The following PIK3C2G variants were observed in gnomAD, a reference collection of about 807,000 sequenced individuals.
The protein encoded by PIK3C2G is phosphatidylinositol 3-kinase C2 domain-containing subunit gamma.
Under a neutral mutation model 181.1 loss-of-function variants are expected in PIK3C2G, and 168 were observed. That is an observed-to-expected ratio of 0.93 (90% CI 0.82 to 1.05). PIK3C2G has a LOEUF of 1.05. PIK3C2G is among the 50% of genes least tolerant of loss of function. The pLI, the probability that PIK3C2G is intolerant of heterozygous loss-of-function variation, is 0.00. For missense variants in PIK3C2G, 1,869 were observed against 1,732.8 expected, an observed-to-expected ratio of 1.08 and a Z score of -1.40; for synonymous variants, 573 against 592.2, an observed-to-expected ratio of 0.97 and a Z score of 0.47.
intron 12 of PIK3C2G, among the ~76,000 whole-genome samples, chr12:18,369,135 C>T (rs1941848791): frequency 6.6e-6 from 1 of 152,192 alleles, no homozygotes. Context: ...GTGTATTTCC[C>T]TCACATCTCA....
intron 18 of PIK3C2G, among the ~76,000 whole-genome samples, chr12:18,471,476 T>C (rs141741516): frequency 4.4e-4 from 67 of 152,306 alleles, no homozygotes; most frequent in African/African-American, 1.5e-3. Context: ...CCATTAACTT[T>C]CTGCTCTTGT....
chr12:18,599,756 T>C (rs1302373725), intron 30 of PIK3C2G, among the ~76,000 whole-genome samples: 1 of 151,624 alleles, frequency 6.6e-6, no homozygotes, highest in Non-Finnish European at 1.5e-5. Flanking sequence ...AATTAAAATA[T>C]AGCCATAGGT....
At chr12:18,559,367 A>G (rs532230084) in intron 26 of PIK3C2G, among the ~76,000 whole-genome samples, 1 of 152,228 alleles carries the variant, frequency 6.6e-6, no homozygotes, top group African/African-American at 2.4e-5. Flanking sequence ...CCATTAAATT[A>G]CAAGATTTGT....
the PIK3C2G span, chr12:18,693,294 G>C: frequency 1.3e-6 from 2 of 1,524,928 alleles, no homozygotes; most frequent in Admixed American, 1.7e-5. Flanking sequence ...CCTGGTCACA[G>C]TGATGAAGGT....
chr12:18,651,828 T>C (rs1244771295), downstream of PIK3C2G, among the ~76,000 whole-genome samples: 1 of 152,122 alleles, frequency 6.6e-6, no homozygotes. Flanking sequence ...CACAGACATA[T>C]GCATGAGGCA....
At chr12:18,485,595 A>G (rs983196193) in intron 18 of PIK3C2G, among the ~76,000 whole-genome samples, 13 of 152,144 alleles carry the variant, frequency 8.5e-5, no homozygotes, top group African/African-American at 3.1e-4. Context: ...GCATTAAGGC[A>G]TGTGTACAAA....
intron 24 of PIK3C2G, among the ~76,000 whole-genome samples, chr12:18,529,074 C>A (rs1434988675): frequency 8.8e-5 from 13 of 147,506 alleles, no homozygotes; most frequent in Admixed American, 8.7e-4. Context: ...ATGATATTCC[C>A]ATTTCTCGAT....
intron 5 of PIK3C2G, among the ~76,000 whole-genome samples, chr12:18,308,810 G>A (rs916453140): frequency 4.6e-5 from 7 of 151,528 alleles, no homozygotes; most frequent in African/African-American, 9.6e-5. Context: ...CTTATTACAC[G>A]TAAATACACA....
chr12:18,724,446 T>G, the PIK3C2G span, among the ~76,000 whole-genome samples: 1 of 152,026 alleles, frequency 6.6e-6, no homozygotes, highest in African/African-American at 2.4e-5. Context: ...AGAGGGAGAT[T>G]TAATTTTTTA....
At chr12:18,705,290 G>C in the PIK3C2G span, 4 of 1,614,106 alleles carry the variant, frequency 2.5e-6, no homozygotes, top group Non-Finnish European at 3.4e-6. Context: ...ATTTTCTAAA[G>C]AGAGCACCAC....
chr12:18,557,886 G>A (rs987909326), intron 26 of PIK3C2G, among the ~76,000 whole-genome samples: 10 of 152,074 alleles, frequency 6.6e-5, no homozygotes, highest in South Asian at 2.1e-4. Flanking sequence ...TACCACATTC[G>A]TGAACTGAAT....
At chr12:18,503,537 G>C in intron 23 of PIK3C2G, 120 bp downstream of exon 23, 1 of 603,590 alleles carries the variant, frequency 1.7e-6, no homozygotes, top group Non-Finnish European at 2.6e-6. Context: ...AATTCAATCA[G>C]CCCAGTAATT....
chr12:18,496,756 G>A (rs1941047295), intron 21 of PIK3C2G, among the ~76,000 whole-genome samples: 1 of 152,240 alleles, frequency 6.6e-6, no homozygotes, highest in East Asian at 1.9e-4. Context: ...ATTCAGCCAA[G>A]CCCGTGCAAC....
downstream of PIK3C2G, among the ~76,000 whole-genome samples, chr12:18,650,349 G>GTA (rs1565601596): frequency 1.1e-5 from 1 of 92,102 alleles, no homozygotes; most frequent in Admixed American, 1.1e-4. Flanking sequence ...ATATATATAT[G>GTA]TGTGTGTGTG....
chr12:18,336,319 A>G (rs926545953), intron 8 of PIK3C2G, among the ~76,000 whole-genome samples: 1 of 152,174 alleles, frequency 6.6e-6, no homozygotes, highest in African/African-American at 2.4e-5. Flanking sequence ...GGGCAGAACC[A>G]GGGTGTAAAC....
chr12:18,355,433 C>T (rs1002659489), intron 11 of PIK3C2G, among the ~76,000 whole-genome samples: 2 of 152,134 alleles, frequency 1.3e-5, no homozygotes, highest in African/African-American at 4.8e-5. Context: ...TTGCTTTCTA[C>T]GAATAGGTTA....
At position 18,265,397 on chromosome 12, in the gene PIK3C2G, T is replaced by C. The variant is rs184261699; in HGVS notation, c.-79+3820T>C. Among the ~76,000 whole-genome samples, 7 of 152,338 alleles carry C rather than the reference T, an allele frequency of 4.6e-5. No individual in the cohort carries two copies. The East Asian group carries it at 1.4e-3, about 29-fold the overall frequency. On this transcript the variant is annotated intron_variant, in intron 1 of 32. Coordinates refer to ENST00000538779, the MANE Select transcript of PIK3C2G (RefSeq NM_001288772.2). Reference sequence around the variant, plus strand: ...TTCAATCTTTAGCAGATGGAAAAGCTAAATATATATAGTATAAATGTAAAG... The same window carrying C: ...TTCAATCTTTAGCAGATGGAAAAGCCAAATATATATAGTATAAATGTAAAG...
intron 14 of PIK3C2G, among the ~76,000 whole-genome samples, chr12:18,390,826 T>A (rs1204073800): frequency 1.3e-5 from 2 of 152,130 alleles, no homozygotes; most frequent in South Asian, 4.1e-4. Flanking sequence ...AAATGTAACA[T>A]ATTAATCTTT....
At chr12:18,693,276 A>G in the PIK3C2G span, 1 of 1,518,804 alleles carries the variant, frequency 6.6e-7, no homozygotes, top group South Asian at 1.1e-5. Context: ...GATGGATGAC[A>G]TGGATCCCCT....
Sources: gnomAD v4.1 joint callset for allele counts (sites outside exome capture counted in the v4.1 genomes callset) on GRCh38, gnomAD v4.1.1 for gene constraint, MANE v1.5 for transcripts, NCBI Gene and HGNC (gene_info 2026-07-23, HGNC 2026-07-21) for gene names.